Variants in DGKH observed in about 807,000 individuals in gnomAD.
The protein encoded by DGKH is DAG kinase eta.
In DGKH, 90 loss-of-function variants were observed where a neutral mutation model predicts 159.3. The observed-to-expected ratio is 0.57, with a 90% confidence interval of 0.48 to 0.67. The LOEUF (loss-of-function observed/expected upper bound fraction) is 0.67. Among genes scored for constraint, DGKH ranks in the 30% least tolerant of loss-of-function variants. The pLI is 0.00. For synonymous variants in DGKH, 536 were observed against 553.8 expected (o/e 0.97, Z 0.45); for missense variants, 1,181 against 1,506.1 (o/e 0.78, Z 3.57).
chr13:42,111,883 G>C (rs1255348256), intron 1 of DGKH, among the ~76,000 whole-genome samples: 6 of 152,150 alleles, frequency 3.9e-5, no homozygotes, highest in Non-Finnish European at 8.8e-5. Flanking sequence ...ACAGGGAAAA[G>C]GGCACAGGAA....
At chr13:42,069,737 A>G in intron 1 of DGKH, 1 of 1,113,440 alleles carries the variant, frequency 9.0e-7, no homozygotes, top group South Asian at 1.5e-5. Context: ...TTATCTAAAT[A>G]TGATCATGAC....
At position 42,158,064 on chromosome 13, in the gene DGKH, G is replaced by A. The variant is rs537631157; in HGVS notation, c.623-1202G>A. On this transcript the variant is annotated intron_variant, in intron 5 of 29. Transcript: ENST00000337343. The stretch of plus-strand genomic sequence containing the variant: ...GTGAGCCACTGTGCCTGGCCTAGAC[G>A]AATATTTTTCAAGGATAAACCAGCT... Among the ~76,000 whole-genome samples, 94 of 152,274 alleles carry A rather than the reference G, an allele frequency of 6.2e-4. 1 individual carries two copies. Among genetic ancestry groups the A allele is most frequent in the African/African-American group, 2.2e-3 (90 of 41,562 alleles).
At chr13:42,180,392 C>G (rs1433071584) in intron 13 of DGKH, among the ~76,000 whole-genome samples, 2 of 152,214 alleles carry the variant, frequency 1.3e-5, no homozygotes, top group Non-Finnish European at 2.9e-5. Flanking sequence ...AGCGTTTTTT[C>G]TAGTGTTCAA....
At chr13:42,088,603 A>G (rs1482100034) in intron 1 of DGKH, among the ~76,000 whole-genome samples, 25 of 152,126 alleles carry the variant, frequency 1.6e-4, no homozygotes, top group Non-Finnish European at 1.6e-4. Flanking sequence ...TAGAGAAACC[A>G]CTTTAAAAAA....
chr13:42,161,745 A>C (rs184843975), intron 7 of DGKH, among the ~76,000 whole-genome samples: 64 of 151,272 alleles, frequency 4.2e-4, no homozygotes, highest in African/African-American at 1.5e-3. Flanking sequence ...GTGCCACTGC[A>C]CTCCAGCCTG....
chr13:42,061,609 G>C (rs1882173184), intron 1 of DGKH, among the ~76,000 whole-genome samples: 1 of 151,936 alleles, frequency 6.6e-6, no homozygotes, highest in South Asian at 2.1e-4. Context: ...TTGGATTTTT[G>C]CCATATATTT....
At chr13:42,173,060 C>G (rs1956505030) in intron 11 of DGKH, among the ~76,000 whole-genome samples, 3 of 152,138 alleles carry the variant, frequency 2.0e-5, no homozygotes, top group Non-Finnish European at 4.4e-5. Context: ...CAACCTCCAC[C>G]TCCCAGGCTC....
At chr13:42,078,560 G>T (rs1464474956) in intron 1 of DGKH, among the ~76,000 whole-genome samples, 1 of 152,160 alleles carries the variant, frequency 6.6e-6, no homozygotes, top group South Asian at 2.1e-4. Flanking sequence ...ATGGGAGTCT[G>T]GGAAATGGAG....
At chr13:42,133,107 G>T (rs937035162) in intron 3 of DGKH, among the ~76,000 whole-genome samples, 1 of 151,060 alleles carries the variant, frequency 6.6e-6, no homozygotes, top group Non-Finnish European at 1.5e-5. Flanking sequence ...GCAGGTGGAG[G>T]TTGCAGTGAG....
chr13:42,070,970 A>C, intron 1 of DGKH: 1 of 1,315,650 alleles, frequency 7.6e-7, no homozygotes, highest in Non-Finnish European at 1.1e-6. Context: ...CTTTTGTCAC[A>C]ATCATTGTCT....
intron 3 of DGKH, 94 bp from the exon 4 acceptor site, chr13:42,155,197 A>C: frequency 1.1e-6 from 1 of 925,640 alleles, no homozygotes; most frequent in Non-Finnish European, 1.6e-6. Context: ...TAAAGACTCA[A>C]GTTAGAAATG....
At chr13:42,134,386 C>G (rs910194956) in intron 3 of DGKH, among the ~76,000 whole-genome samples, 7 of 152,210 alleles carry the variant, frequency 4.6e-5, no homozygotes, top group African/African-American at 1.7e-4. Context: ...GTCTCTCACT[C>G]CCATCTCTGG....
chr13:42,144,122 C>G (rs1023641700), intron 3 of DGKH, among the ~76,000 whole-genome samples: 5 of 152,206 alleles, frequency 3.3e-5, no homozygotes, highest in Admixed American at 2.6e-4. Context: ...CTTGACAGTT[C>G]TATCCTGGCT....
chr13:42,185,237 A>G, intron 13 of DGKH, among the ~76,000 whole-genome samples: 1 of 152,234 alleles, frequency 6.6e-6, no homozygotes, highest in Middle Eastern at 3.2e-3. Context: ...TAAATATCCT[A>G]TATTCCTTTT....
chr13:42,079,392 G>A (rs554076367), intron 1 of DGKH, among the ~76,000 whole-genome samples: 264 of 152,108 alleles, frequency 1.7e-3, no homozygotes, highest in African/African-American at 5.7e-3. Flanking sequence ...GGCTTTTAGG[G>A]TATACATCAC....
chr13:42,142,756 G>C (rs915052313), intron 3 of DGKH, among the ~76,000 whole-genome samples: 1 of 152,166 alleles, frequency 6.6e-6, no homozygotes, highest in Non-Finnish European at 1.5e-5. Flanking sequence ...TGTATCCTGA[G>C]ACTTTGCTGA....
intron 3 of DGKH, among the ~76,000 whole-genome samples, chr13:42,137,661 A>G (rs1406688949): frequency 6.6e-6 from 1 of 152,200 alleles, no homozygotes; most frequent in Non-Finnish European, 1.5e-5. Flanking sequence ...GCATCACCAG[A>G]TGAATAGCAA....
intron 1 of DGKH, among the ~76,000 whole-genome samples, chr13:42,120,067 T>C (rs1165520887): frequency 6.6e-6 from 1 of 152,226 alleles, no homozygotes; most frequent in Non-Finnish European, 1.5e-5. Flanking sequence ...TATGCAGCAG[T>C]GAACCATGAA....
At chr13:42,157,358 T>C (rs1452766646) in intron 5 of DGKH, among the ~76,000 whole-genome samples, 1 of 152,222 alleles carries the variant, frequency 6.6e-6, no homozygotes, top group Non-Finnish European at 1.5e-5. Flanking sequence ...GATTTGAGTG[T>C]TATACATTAT....
Sources: allele counts gnomAD v4.1 joint callset (sites outside exome capture counted in the v4.1 genomes callset), GRCh38; gene constraint gnomAD v4.1.1; transcripts MANE v1.5; gene names NCBI Gene and HGNC (gene_info 2026-07-23, HGNC 2026-07-21).